The following C19orf47 variants were observed in gnomAD, a reference collection of about 807,000 sequenced individuals.
C19orf47 encodes chromosome 19 open reading frame 47.
C19orf47 carries 18 observed loss-of-function variants against 32.3 expected under a neutral mutation model. The observed-to-expected ratio is 0.56, with a 90% CI of 0.39 to 0.83. The LOEUF (loss-of-function observed/expected upper bound fraction) is 0.83. C19orf47 is among the 40% of genes least tolerant of loss of function. C19orf47 has a pLI of 0.00. For synonymous variants in C19orf47, 202 were observed against 211.1 expected (o/e 0.96, Z 0.37); for missense variants, 484 against 531.6 (o/e 0.91, Z 0.88).
At chr19:40,307,443 G>T in the C19orf47 span, among the ~76,000 whole-genome samples, 1 of 152,136 alleles carries the variant, frequency 6.6e-6, no homozygotes, top group Non-Finnish European at 1.5e-5. Context: ...CTGTCACCCA[G>T]ACTGGAATGC....
chr19:40,315,858 T>C (rs2077658648), downstream of C19orf47, among the ~76,000 whole-genome samples: 1 of 152,012 alleles, frequency 6.6e-6, no homozygotes. Context: ...CTCAGGAGGC[T>C]GAGGCAATAG....
the C19orf47 span, among the ~76,000 whole-genome samples, chr19:40,307,086 GC>G: frequency 7.3e-6 from 1 of 136,594 alleles, no homozygotes; most frequent in African/African-American, 2.7e-5. Context: ...ACCGCGCCCG[GC>G]CCTTTTTTTT....
rs187475168 is a variant in C19orf47, at chr19:40,324,846, T to C, written c.593-770A>G. ...AATTAGCTGGGCGTGGTGGCCCACA[T>C]CTATAGTCCCTGCTACTGGGGAGGT... On this transcript the variant is annotated intron_variant, in intron 7 of 8. Coordinates refer to ENST00000683109, the MANE Select transcript of C19orf47 (RefSeq NM_001256441.2). Among the ~76,000 whole-genome samples, 27 of 151,592 alleles carry C rather than the reference T, an allele frequency of 1.8e-4. No individual in the cohort carries two copies. The East Asian group carries it at 5.1e-3, about 28-fold the overall frequency.
At chr19:40,323,907 C>CTGGGCCGAGTGAGGTTGAGATG (rs2077772687) in intron 8 of C19orf47, 99 bp downstream of exon 8, 11 of 1,474,062 alleles carry the variant, frequency 7.5e-6, no homozygotes, top group Non-Finnish European at 1.0e-5. Flanking sequence ...TTAGACGGCC[C>CTGGGCCGAGTGAGGTTGAGATG]TGGGCCGAGT....
chr19:40,334,584 C>T (rs1050885848), intron 4 of C19orf47, among the ~76,000 whole-genome samples: 2 of 152,076 alleles, frequency 1.3e-5, no homozygotes, highest in Admixed American at 6.6e-5. Flanking sequence ...CCCATCTCTA[C>T]TAAAATTATA....
Position 40,348,343 on chromosome 19 carries a change from C to G in C19orf47, c.-53G>C, listed in dbSNP as rs2145643436. ...CCTCACCTGGCCCACCGGGCCCGCG[C>G]CCACTCGCGCCGCCCGCCCTCCCTC... is the stretch of plus-strand genomic sequence containing the variant. On this transcript the variant is annotated 5_prime_UTR_variant, in exon 1 of 9. Transcript: ENST00000683109. 2 of 1,375,496 alleles carry G rather than the reference C, an allele frequency of 1.5e-6. No homozygotes were observed. Among genetic ancestry groups the G allele is most frequent in the Non-Finnish European group, 1.9e-6 (2 of 1,065,816 alleles). The allele number at this position is 1,375,496 out of a possible 1,614,324, so 85.2% of individuals were successfully genotyped here.
intron 5 of C19orf47, among the ~76,000 whole-genome samples, chr19:40,330,540 CTTTT>C (rs398034615): frequency 3.1e-4 from 20 of 64,598 alleles, no homozygotes; most frequent in African/African-American, 6.2e-4. Flanking sequence ...ACCCGGCCCT[CTTTT>C]TTTTTTTTTT....
chr19:40,331,134 A>G (rs1034770195), intron 5 of C19orf47, among the ~76,000 whole-genome samples: 1 of 152,228 alleles, frequency 6.6e-6, no homozygotes, highest in African/African-American at 2.4e-5. Flanking sequence ...CCTACCCACA[A>G]TGACTGTGGA....
the C19orf47 span, among the ~76,000 whole-genome samples, chr19:40,312,519 T>A: frequency 6.6e-6 from 1 of 150,444 alleles, no homozygotes; most frequent in Admixed American, 6.7e-5. Flanking sequence ...CACTCCAGCC[T>A]GGGCGACAGA....
intron 2 of C19orf47, among the ~76,000 whole-genome samples, chr19:40,336,709 C>T (rs1159729856): frequency 1.3e-5 from 2 of 152,196 alleles, no homozygotes; most frequent in African/African-American, 4.8e-5. Context: ...TTTCTCCTTA[C>T]AGCTCCACCC....
the C19orf47 span, among the ~76,000 whole-genome samples, chr19:40,312,151 T>C: frequency 6.6e-6 from 1 of 152,180 alleles, no homozygotes; most frequent in Non-Finnish European, 1.5e-5. Flanking sequence ...GATGTTGACT[T>C]CCTCTTACTG....
chr19:40,303,661 G>A, the C19orf47 span, among the ~76,000 whole-genome samples: 19 of 151,656 alleles, frequency 1.3e-4, no homozygotes, highest in African/African-American at 3.9e-4. Context: ...AAAATTAGCC[G>A]GGCGTGGTGG....
At chr19:40,300,584 G>T in the C19orf47 span, among the ~76,000 whole-genome samples, 1 of 152,152 alleles carries the variant, frequency 6.6e-6, no homozygotes, top group Non-Finnish European at 1.5e-5. Context: ...CATGATATAT[G>T]CCACAGAAAT....
intron 1 of C19orf47, among the ~76,000 whole-genome samples, chr19:40,345,166 C>A (rs1213799752): frequency 6.6e-6 from 1 of 152,132 alleles, no homozygotes; most frequent in Non-Finnish European, 1.5e-5. Flanking sequence ...CTACTGAATT[C>A]AATTTCCTCT....
At position 40,322,343 on chromosome 19, in the gene C19orf47, G is replaced by A. The variant is rs775390720; in HGVS notation, c.697C>T (p.Pro233Ser). ...TGVFSRLGAT[P>S]ETDEDLAWDS... ...CAAGCCAGATCCTCGTCCGTTTCTGGGGTGGCCCCCAGGCGGCTGAAGACT... is the reference window on the plus strand; with the variant it reads ...CAAGCCAGATCCTCGTCCGTTTCTGAGGTGGCCCCCAGGCGGCTGAAGACT... The change falls in exon 9 of 9, where the codon CCA becomes TCA. Residue 233 changes from proline (P) to serine (S), a missense_variant. By Grantham distance (74) the Pro-to-Ser change is moderately conservative (BLOSUM62 -1). Coordinates refer to ENST00000683109, the MANE Select transcript of C19orf47 (RefSeq NM_001256441.2). 9 of 1,598,950 alleles carry A rather than the reference G, an allele frequency of 5.6e-6. No individual in the cohort carries two copies. In the East Asian group the frequency reaches 1.3e-4, roughly 24 times the overall value.
intron 5 of C19orf47, among the ~76,000 whole-genome samples, chr19:40,329,461 G>A (rs1459936516): frequency 1.3e-5 from 2 of 151,974 alleles, no homozygotes; most frequent in African/African-American, 4.8e-5. Flanking sequence ...AGCTGTGATC[G>A]CACTACTGCA....
the C19orf47 span, among the ~76,000 whole-genome samples, chr19:40,305,149 C>G: frequency 1.3e-5 from 2 of 152,084 alleles, no homozygotes; most frequent in African/African-American, 4.8e-5. Context: ...TCGACACCAG[C>G]CTGGCCAACA....
the C19orf47 span, among the ~76,000 whole-genome samples, chr19:40,311,716 C>T: frequency 6.6e-6 from 1 of 151,944 alleles, no homozygotes; most frequent in East Asian, 1.9e-4. Flanking sequence ...AATGCAGTGG[C>T]ACAATCTCGG....
downstream of C19orf47, among the ~76,000 whole-genome samples, chr19:40,315,351 A>G (rs1028474958): frequency 5.9e-5 from 9 of 152,162 alleles, no homozygotes; most frequent in African/African-American, 2.2e-4. Context: ...CTGCAACTCT[A>G]AAACTATTCT....
Sources: gnomAD v4.1 joint callset for allele counts (sites outside exome capture counted in the v4.1 genomes callset) on GRCh38, gnomAD v4.1.1 for gene constraint, MANE v1.5 for transcripts, NCBI Gene and HGNC (gene_info 2026-07-23, HGNC 2026-07-21) for gene names.